The following RBMS3 variants were observed in gnomAD, a reference collection of about 807,000 sequenced individuals.
RBMS3 encodes RNA binding motif single stranded interacting protein 3, also known as RNA-binding motif, single-stranded-interacting protein 3.
RBMS3 carries 27 observed loss-of-function variants against 66.8 expected under a neutral mutation model. The ratio of observed to expected loss-of-function variants is 0.40; its 90% confidence interval spans 0.30 to 0.56. The LOEUF is 0.56. Among genes scored for constraint, RBMS3 ranks in the 20% least tolerant of loss-of-function variants. The probability of loss-of-function intolerance (pLI) is 0.40; values close to 1 mark genes in which losing one functional copy is unlikely to be tolerated. For missense variants in RBMS3, 513 were observed against 549.5 expected (o/e 0.93, Z 0.66); for synonymous variants, 188 against 183.0 (o/e 1.03, Z -0.22).
chr3:29,810,545 T>C (rs1407452433), intron 6 of RBMS3, among the ~76,000 whole-genome samples: 1 of 152,158 alleles, frequency 6.6e-6, no homozygotes, highest in African/African-American at 2.4e-5. Context: ...GTAGGAAATC[T>C]CTCACCTTCT....
At chr3:29,774,098 T>C (rs2056332498) in intron 6 of RBMS3, among the ~76,000 whole-genome samples, 2 of 152,090 alleles carry the variant, frequency 1.3e-5, no homozygotes, top group African/African-American at 4.8e-5. Flanking sequence ...TCTATTATTT[T>C]CATTAATGTT....
intron 1 of RBMS3, among the ~76,000 whole-genome samples, chr3:29,287,510 T>C (rs1201351790): frequency 6.6e-6 from 1 of 152,068 alleles, no homozygotes; most frequent in Admixed American, 6.6e-5. Context: ...TTTTTAAAGA[T>C]ATTTGGAAAT....
At chr3:29,545,969 A>G (rs939158098) in intron 3 of RBMS3, among the ~76,000 whole-genome samples, 1 of 151,720 alleles carries the variant, frequency 6.6e-6, no homozygotes, top group African/African-American at 2.4e-5. Flanking sequence ...AACATTTGTA[A>G]TGTTAGTTTT....
chr3:29,847,823 T>C (rs2058825185), intron 6 of RBMS3, among the ~76,000 whole-genome samples: 1 of 151,890 alleles, frequency 6.6e-6, no homozygotes, highest in Admixed American at 6.6e-5. Flanking sequence ...GCCCGGCTAA[T>C]TTTCTTGTGT....
chr3:29,323,959 C>T (rs548300059), intron 1 of RBMS3, among the ~76,000 whole-genome samples: 75 of 149,118 alleles, frequency 5.0e-4, no homozygotes, highest in Admixed American at 1.1e-3. Context: ...AAACAGGGCT[C>T]TCAAATGGGT....
chr3:29,593,090 A>G (rs2047812175), intron 4 of RBMS3, among the ~76,000 whole-genome samples: 3 of 152,042 alleles, frequency 2.0e-5, no homozygotes, highest in African/African-American at 7.2e-5. Context: ...GGTGCAACAC[A>G]CGAACATGGC....
intron 6 of RBMS3, among the ~76,000 whole-genome samples, chr3:29,770,418 A>AT (rs2056147813): frequency 6.6e-6 from 1 of 151,812 alleles, no homozygotes; most frequent in Non-Finnish European, 1.5e-5. Context: ...TCTTGACCAT[A>AT]TTTTTTCTAT....
intron 4 of RBMS3, among the ~76,000 whole-genome samples, chr3:29,601,123 C>T (rs1377589436): frequency 6.6e-6 from 1 of 151,270 alleles, no homozygotes; most frequent in Non-Finnish European, 1.5e-5. Flanking sequence ...AATAAAATAG[C>T]ATAACATACA....
At chr3:29,485,382 T>C (rs1318105168) in intron 2 of RBMS3, among the ~76,000 whole-genome samples, 1 of 98,174 alleles carries the variant, frequency 1.0e-5, no homozygotes, top group Non-Finnish European at 1.9e-5. Context: ...AAGCATACTC[T>C]TTAGAATATA....
At chr3:29,311,209 T>C (rs958582571) in intron 1 of RBMS3, among the ~76,000 whole-genome samples, 13 of 151,720 alleles carry the variant, frequency 8.6e-5, no homozygotes, top group Non-Finnish European at 1.6e-4. Context: ...GGTGGGTTTG[T>C]TTGTTAGGTT....
intron 1 of RBMS3, among the ~76,000 whole-genome samples, chr3:29,396,913 T>A (rs1313884308): frequency 6.6e-6 from 1 of 152,182 alleles, no homozygotes; most frequent in Non-Finnish European, 1.5e-5. Context: ...AGGTAAGATG[T>A]TTCGTGCATA....
At chr3:29,780,075 A>G (rs529445031) in intron 6 of RBMS3, among the ~76,000 whole-genome samples, 2 of 152,096 alleles carry the variant, frequency 1.3e-5, no homozygotes, top group South Asian at 4.1e-4. Context: ...TCAAAGATAA[A>G]GATGAAAGGT....
At chr3:29,920,742 G>A (rs1320980622) in intron 10 of RBMS3, among the ~76,000 whole-genome samples, 1 of 151,728 alleles carries the variant, frequency 6.6e-6, no homozygotes, top group Non-Finnish European at 1.5e-5. Flanking sequence ...TTGGAAGGTG[G>A]AGGCAGGCAG....
At chr3:29,553,736 T>G (rs2046253857) in intron 3 of RBMS3, among the ~76,000 whole-genome samples, 1 of 151,068 alleles carries the variant, frequency 6.6e-6, no homozygotes, top group African/African-American at 2.4e-5. Context: ...TGTTTTGTAA[T>G]AGATCTCCCA....
intron 6 of RBMS3, among the ~76,000 whole-genome samples, chr3:29,858,805 AT>A (rs2059142329): frequency 1.3e-5 from 2 of 152,302 alleles, no homozygotes; most frequent in South Asian, 2.1e-4. Context: ...AATTGTTACA[AT>A]TTTTTTAAAT....
intron 2 of RBMS3, among the ~76,000 whole-genome samples, chr3:29,449,181 A>G (rs1378956472): frequency 6.6e-6 from 1 of 152,242 alleles, no homozygotes; most frequent in Non-Finnish European, 1.5e-5. Context: ...TAACCAATTA[A>G]GTACAGAATT....
chr3:29,877,118 A>G (rs766499635), intron 7 of RBMS3, among the ~76,000 whole-genome samples: 13 of 152,244 alleles, frequency 8.5e-5, no homozygotes, highest in Non-Finnish European at 1.5e-4. Flanking sequence ...TGAACTTACT[A>G]GTTAAACTTG....
chr3:29,774,795 G>C (rs563347460), intron 6 of RBMS3, among the ~76,000 whole-genome samples: 60 of 152,152 alleles, frequency 3.9e-4, no homozygotes, highest in African/African-American at 1.3e-3. Context: ...TATTAAGCCA[G>C]AAATTACAAA....
rs112575158 is a variant in RBMS3 at position 29,694,801 on chromosome 3, C to A, written c.400-44919C>A. Among the ~76,000 whole-genome samples the A allele has an allele frequency of 5.2e-3, 796 of 152,124 alleles. 6 individuals carry two copies. The highest frequency in any genetic ancestry group is 0.018 in the African/African-American group (733 of 41,500). ...ATTAAAAACTGTTCTTACCCATCTC[C>A]CACCCCAGCCCCAAATTTTAAAATC... On this transcript the variant is annotated intron_variant, in intron 4 of 14. Coordinates refer to ENST00000383767, the MANE Select transcript of RBMS3 (RefSeq NM_001003793.3).
Sources: allele counts gnomAD v4.1 joint callset (sites outside exome capture counted in the v4.1 genomes callset), GRCh38; gene constraint gnomAD v4.1.1; transcripts MANE v1.5; gene names NCBI Gene and HGNC (gene_info 2026-07-23, HGNC 2026-07-21).